Variants in LINGO2 observed in about 807,000 individuals in gnomAD.
LINGO2 encodes the protein leucine-rich repeat and immunoglobulin-like domain-containing nogo receptor-interacting protein 2.
A neutral mutation model predicts 30.6 loss-of-function variants in LINGO2; 14 were observed. That is an observed-to-expected ratio of 0.46 (90% confidence interval 0.30 to 0.72). The LOEUF (loss-of-function observed/expected upper bound fraction) is 0.72, where lower values mean the gene tolerates loss of function less well. Ranked by LOEUF, LINGO2 falls within the 30% of genes least tolerant of loss-of-function variation. The probability of loss-of-function intolerance (pLI) is 0.07; values close to 1 mark genes in which losing one functional copy is unlikely to be tolerated. For synonymous variants in LINGO2, 317 were observed against 288.5 expected (o/e 1.10, Z -1.00); for missense variants, 729 against 751.7 (o/e 0.97, Z 0.35).
At chr9:28,284,862 A>G (rs373899750) in intron 4 of LINGO2, among the ~76,000 whole-genome samples, 1 of 152,344 alleles carries the variant, frequency 6.6e-6, no homozygotes, top group East Asian at 1.9e-4. Flanking sequence ...CAAGGCACCA[A>G]TATGATATGA....
intron 4 of LINGO2, among the ~76,000 whole-genome samples, chr9:28,057,936 C>T (rs142563511): frequency 2.6e-5 from 4 of 152,124 alleles, no homozygotes; most frequent in African/African-American, 9.6e-5. Flanking sequence ...TAGCAGATAC[C>T]ACACTGCATG....
At chr9:28,766,975 C>CA in the LINGO2 span, among the ~76,000 whole-genome samples, 1 of 152,038 alleles carries the variant, frequency 6.6e-6, no homozygotes, top group South Asian at 2.1e-4. Context: ...TATAGAAACA[C>CA]ATACAGAATG....
chr9:28,772,265 A>G, the LINGO2 span, among the ~76,000 whole-genome samples: 2 of 152,332 alleles, frequency 1.3e-5, 1 homozygote, highest in South Asian at 4.1e-4. Flanking sequence ...CTCACCCTAG[A>G]AAATCCAGTC....
chr9:28,993,605 C>A, the LINGO2 span, among the ~76,000 whole-genome samples: 5 of 150,540 alleles, frequency 3.3e-5, no homozygotes, highest in African/African-American at 1.2e-4. Flanking sequence ...AACATCAATG[C>A]GAAAATCCTC....
At chr9:28,838,312 G>A in the LINGO2 span, among the ~76,000 whole-genome samples, 1 of 151,988 alleles carries the variant, frequency 6.6e-6, no homozygotes, top group Non-Finnish European at 1.5e-5. Context: ...TATTTGTCTG[G>A]CTTTAGAAAG....
chr9:28,639,329 A>G (rs1300857313), intron 1 of LINGO2, among the ~76,000 whole-genome samples: 4 of 152,146 alleles, frequency 2.6e-5, no homozygotes, highest in Admixed American at 1.3e-4. Context: ...GTAGATGTCT[A>G]TTAGGTGCGC....
At chr9:29,152,145 A>T in the LINGO2 span, among the ~76,000 whole-genome samples, 2 of 152,194 alleles carry the variant, frequency 1.3e-5, no homozygotes, top group Admixed American at 1.3e-4. Flanking sequence ...AATGGCTATT[A>T]TTAAAAAGCA....
At chr9:28,290,431 T>C (rs777853496) in intron 4 of LINGO2, among the ~76,000 whole-genome samples, 1 of 152,158 alleles carries the variant, frequency 6.6e-6, no homozygotes, top group African/African-American at 2.4e-5. Context: ...AACGCTAATA[T>C]GGCAGACTAA....
intron 1 of LINGO2, among the ~76,000 whole-genome samples, chr9:28,630,215 A>AT (rs936990442): frequency 5.9e-5 from 9 of 152,106 alleles, no homozygotes; most frequent in African/African-American, 2.2e-4. Flanking sequence ...GTATAATAAA[A>AT]AAATAAATAC....
At chr9:29,105,068 C>T in the LINGO2 span, among the ~76,000 whole-genome samples, 1 of 152,156 alleles carries the variant, frequency 6.6e-6, no homozygotes, top group Non-Finnish European at 1.5e-5. Context: ...TAAACCCAAA[C>T]ACCTTGTATT....
chr9:28,063,591 A>G (rs1825221331), intron 4 of LINGO2, among the ~76,000 whole-genome samples: 1 of 152,102 alleles, frequency 6.6e-6, no homozygotes, highest in African/African-American at 2.4e-5. Flanking sequence ...TAAAGTAAAT[A>G]TTCCCAAATC....
chr9:29,025,998 TC>T, the LINGO2 span, among the ~76,000 whole-genome samples: 1 of 152,086 alleles, frequency 6.6e-6, no homozygotes, highest in Non-Finnish European at 1.5e-5. Context: ...TGAATACTGT[TC>T]CATTGTGCAG....
At chr9:28,553,578 G>C (rs978125199) in intron 1 of LINGO2, among the ~76,000 whole-genome samples, 8 of 152,188 alleles carry the variant, frequency 5.3e-5, no homozygotes, top group Admixed American at 2.0e-4. Flanking sequence ...CACTCTGCAG[G>C]ATATTATCCA....
chr9:28,862,068 G>A, the LINGO2 span, among the ~76,000 whole-genome samples: 1 of 151,942 alleles, frequency 6.6e-6, no homozygotes. Flanking sequence ...AATTTTACAG[G>A]TGCCCCCTTT....
chr9:28,653,820 C>A (rs1188649851), intron 1 of LINGO2, among the ~76,000 whole-genome samples: 1 of 151,868 alleles, frequency 6.6e-6, no homozygotes, highest in Non-Finnish European at 1.5e-5. Flanking sequence ...CATGACACAC[C>A]CATTTGTTAA....
At position 27,980,005 on chromosome 9, in the gene LINGO2, G is replaced by A. The variant is rs1820779570; in HGVS notation, c.-35-29299C>T. ...GGAGGTTGGATTCCGGTCCCATCCT[G>A]TATTGACATGTGAAGGGGACAGGAC... On this transcript the variant is annotated intron_variant, in intron 5 of 5. Coordinates refer to ENST00000379992, the Ensembl canonical transcript of LINGO2. Among the ~76,000 whole-genome samples the A allele has an allele frequency of 2.0e-5, 3 of 151,908 alleles. No individual in the cohort carries two copies. In the South Asian group the frequency reaches 6.2e-4, roughly 32 times the overall value.
At chr9:28,884,898 CTATA>C in the LINGO2 span, among the ~76,000 whole-genome samples, 1 of 111,740 alleles carries the variant, frequency 8.9e-6, no homozygotes, top group African/African-American at 3.4e-5. Flanking sequence ...TATATAGATA[CTATA>C]TATATGTATT....
chr9:29,055,938 G>GTATATATATATATATATACATATA, the LINGO2 span, among the ~76,000 whole-genome samples: 43 of 99,878 alleles, frequency 4.3e-4, no homozygotes, highest in African/African-American at 8.1e-4. Context: ...GTATGTGTGT[G>GTATATATATATATATATACATATA]TGTATATATA....
At chr9:28,375,729 T>C (rs188700190) in intron 2 of LINGO2, among the ~76,000 whole-genome samples, 9 of 152,268 alleles carry the variant, frequency 5.9e-5, no homozygotes, top group Non-Finnish European at 1.2e-4. Context: ...AATATAGAAG[T>C]GGTTGAACCT....
Sources: gnomAD v4.1 joint callset for allele counts (sites outside exome capture counted in the v4.1 genomes callset) on GRCh38, gnomAD v4.1.1 for gene constraint, MANE v1.5 for transcripts, NCBI Gene and HGNC (gene_info 2026-07-23, HGNC 2026-07-21) for gene names.